The following MGAT4C variants were observed in gnomAD, a reference collection of about 807,000 sequenced individuals.
MGAT4C encodes the protein MGAT4 family member C.
In MGAT4C, 19 loss-of-function variants were observed where a neutral mutation model predicts 40.1. The observed-to-expected ratio is 0.47, with a 90% CI of 0.33 to 0.70. The LOEUF is 0.70. Ranked by LOEUF, MGAT4C falls within the 30% of genes least tolerant of loss-of-function variation. MGAT4C has a pLI of 0.02. For missense variants in MGAT4C, 491 were observed against 563.2 expected (o/e 0.87, Z 1.30); for synonymous variants, 181 against 187.1 (o/e 0.97, Z 0.27).
chr12:86,457,926 A>G (rs1220119336), intron 2 of MGAT4C, among the ~76,000 whole-genome samples: 1 of 152,036 alleles, frequency 6.6e-6, no homozygotes, highest in Non-Finnish European at 1.5e-5. Context: ...GGGAATTTTT[A>G]TTTTTATAAA....
chr12:85,995,381 T>C (rs541439977), intron 2 of MGAT4C, among the ~76,000 whole-genome samples: 1 of 152,238 alleles, frequency 6.6e-6, no homozygotes, highest in Non-Finnish European at 1.5e-5. Context: ...CTTCAAATCT[T>C]TGAGTTGATA....
chr12:86,068,801 C>T (rs1894806385), intron 1 of MGAT4C, among the ~76,000 whole-genome samples: 1 of 152,028 alleles, frequency 6.6e-6, no homozygotes, highest in Non-Finnish European at 1.5e-5. Context: ...CTGCCCTGTC[C>T]CCTTTTACCT....
chr12:86,413,664 T>C (rs1471122333), intron 3 of MGAT4C, among the ~76,000 whole-genome samples: 1 of 152,136 alleles, frequency 6.6e-6, no homozygotes, highest in Non-Finnish European at 1.5e-5. Flanking sequence ...AGTCAAAGAT[T>C]TGTTAGAGTA....
At chr12:86,261,687 T>C (rs1284422386) in intron 4 of MGAT4C, among the ~76,000 whole-genome samples, 1 of 152,108 alleles carries the variant, frequency 6.6e-6, no homozygotes, top group African/African-American at 2.4e-5. Context: ...TTCTGAATCA[T>C]CTTGAATTGA....
rs1236022150 is a variant in MGAT4C at position 86,694,125 on chromosome 12, G to C, written c.-229+33084C>G. The stretch of plus-strand genomic sequence containing the variant: ...GATAAATTTCCAAATACATTATCAT[G>C]ACCAAAACTCTAACTGATGTGTCTT... On this transcript the variant is annotated intron_variant, in intron 2 of 7. Coordinates refer to the MGAT4C transcript ENST00000548651. Among the ~76,000 whole-genome samples, 4 of 152,186 alleles carry C rather than the reference G, an allele frequency of 2.6e-5. No homozygotes were observed. In the East Asian group the frequency reaches 7.7e-4, roughly 29 times the overall value.
intron 1 of MGAT4C, among the ~76,000 whole-genome samples, chr12:86,173,118 C>T (rs930455758): frequency 1.7e-4 from 26 of 152,074 alleles, no homozygotes; most frequent in African/African-American, 6.3e-4. Flanking sequence ...ATTGTGATCA[C>T]AGTGCTAAAT....
chr12:86,255,297 A>G (rs1315998317), intron 1 of MGAT4C, among the ~76,000 whole-genome samples: 1 of 152,116 alleles, frequency 6.6e-6, no homozygotes, highest in Admixed American at 6.6e-5. Flanking sequence ...ATAATAGACA[A>G]CATTTGAGGG....
intron 2 of MGAT4C, among the ~76,000 whole-genome samples, chr12:86,006,043 TG>T (rs989319412): frequency 1.3e-5 from 2 of 152,162 alleles, no homozygotes; most frequent in African/African-American, 2.4e-5. Flanking sequence ...GATGTAAAAC[TG>T]CCCTTTTTTC....
intron 2 of MGAT4C, among the ~76,000 whole-genome samples, chr12:86,672,613 T>C (rs1964286374): frequency 6.6e-6 from 1 of 151,996 alleles, no homozygotes; most frequent in Non-Finnish European, 1.5e-5. Flanking sequence ...CTACAGAAAT[T>C]CAAAGGACCA....
intron 3 of MGAT4C, among the ~76,000 whole-genome samples, chr12:86,339,141 A>T (rs960116086): frequency 6.6e-6 from 1 of 152,052 alleles, no homozygotes; most frequent in Non-Finnish European, 1.5e-5. Context: ...ACAGATGAAA[A>T]AATTGGAGCA....
In MGAT4C at chr12:86,721,523, C is replaced by T. The variant is rs186866628; in HGVS notation, c.-229+5686G>A. On this transcript the variant is annotated intron_variant, in intron 2 of 7. Coordinates refer to the MGAT4C transcript ENST00000548651. ...CACTTTCCTCTCTTCTTTCCCCTAC[C>T]TTGACCGTAGATTCAGAAGAATCTT... 2.6e-3 allele frequency among the ~76,000 whole-genome samples: 401 copies of T among 152,180 alleles called. 2 individuals carry two copies. The highest frequency in any genetic ancestry group is 8.8e-3 in the African/African-American group (364 of 41,524).
chr12:86,203,513 C>T (rs563998413), intron 1 of MGAT4C, among the ~76,000 whole-genome samples: 23 of 142,272 alleles, frequency 1.6e-4, no homozygotes, highest in African/African-American at 6.9e-4. Flanking sequence ...TGTATCTTCT[C>T]TCTCTCTGAT....
chr12:86,408,479 C>CTCTATATATA (rs1267344319), intron 3 of MGAT4C, among the ~76,000 whole-genome samples: 43 of 63,338 alleles, frequency 6.8e-4, no homozygotes, highest in African/African-American at 1.6e-3. Flanking sequence ...CTCTCTCTCT[C>CTCTATATATA]TATATATATA....
At chr12:86,283,309 A>AT (rs1212311466) in intron 4 of MGAT4C, among the ~76,000 whole-genome samples, 2 of 151,776 alleles carry the variant, frequency 1.3e-5, no homozygotes, top group African/African-American at 2.4e-5. Flanking sequence ...TGCTTCACCT[A>AT]TTTTGTCTGT....
intron 1 of MGAT4C, among the ~76,000 whole-genome samples, chr12:86,120,174 T>C (rs1240194395): frequency 6.6e-6 from 1 of 150,862 alleles, no homozygotes; most frequent in African/African-American, 2.4e-5. Flanking sequence ...GAAAAAAATA[T>C]ATATATAAAT....
intron 3 of MGAT4C, among the ~76,000 whole-genome samples, chr12:86,347,445 A>C (rs181713941): frequency 9.2e-5 from 14 of 152,322 alleles, no homozygotes; most frequent in Admixed American, 9.2e-4. Context: ...TAAGTATAAA[A>C]AAATACTGAT....
At chr12:86,800,638 T>C (rs1002166001) in intron 1 of MGAT4C, among the ~76,000 whole-genome samples, 2 of 151,846 alleles carry the variant, frequency 1.3e-5, no homozygotes, top group African/African-American at 2.4e-5. Flanking sequence ...GAAATGGATA[T>C]TGCATTTACA....
chr12:86,038,566 T>C (rs1845814234), intron 2 of MGAT4C, among the ~76,000 whole-genome samples: 1 of 149,502 alleles, frequency 6.7e-6, no homozygotes, highest in African/African-American at 2.4e-5. Flanking sequence ...ATTTATTTAT[T>C]TTTTTGCTTT....
intron 1 of MGAT4C, among the ~76,000 whole-genome samples, chr12:86,758,431 A>G (rs940593599): frequency 2.0e-5 from 3 of 151,306 alleles, no homozygotes; most frequent in African/African-American, 7.3e-5. Context: ...TACTTAGCAC[A>G]ATTCTTAGGT....
Sources: allele counts gnomAD v4.1 joint callset (sites outside exome capture counted in the v4.1 genomes callset), GRCh38; gene constraint gnomAD v4.1.1; transcripts MANE v1.5; gene names NCBI Gene and HGNC (gene_info 2026-07-23, HGNC 2026-07-21).